Variants in STAP1 observed in about 807,000 individuals in gnomAD.
The protein encoded by STAP1 is signal transducing adaptor family member 1.
In STAP1, 30 loss-of-function variants were observed where a neutral mutation model predicts 37.8. The ratio of observed to expected loss-of-function variants is 0.79; its 90% CI spans 0.59 to 1.08. The LOEUF (loss-of-function observed/expected upper bound fraction) is 1.08. Ranked by LOEUF, STAP1 falls within the 50% of genes least tolerant of loss-of-function variation. The pLI, the probability that STAP1 is intolerant of heterozygous loss-of-function variation, is 0.00. For missense variants in STAP1, 357 were observed against 349.4 expected (o/e 1.02, Z -0.17); for synonymous variants, 130 against 116.0 (o/e 1.12, Z -0.78).
chr4:67,581,104 G>A (rs1727843590), intron 4 of STAP1, among the ~76,000 whole-genome samples: 1 of 152,202 alleles, frequency 6.6e-6, no homozygotes, highest in South Asian at 2.1e-4. Context: ...TAGGCACTCT[G>A]TGCAGGTTGT....
At chr4:67,586,136 A>G (rs901965498) in intron 6 of STAP1, among the ~76,000 whole-genome samples, 5 of 152,102 alleles carry the variant, frequency 3.3e-5, no homozygotes, top group African/African-American at 1.2e-4. Context: ...GAAATGAACA[A>G]ACTCTCAAGA....
chr4:67,579,312 T>C (rs1347161530), intron 4 of STAP1, among the ~76,000 whole-genome samples: 3 of 152,248 alleles, frequency 2.0e-5, no homozygotes, highest in African/African-American at 7.2e-5. Context: ...CTGTATGTAG[T>C]TGAAAGAGCT....
intron 4 of STAP1, among the ~76,000 whole-genome samples, chr4:67,578,830 A>ATTTTT (rs11314663): frequency 7.0e-6 from 1 of 142,488 alleles, no homozygotes; most frequent in Admixed American, 7.0e-5. Context: ...ATTTATGTGA[A>ATTTTT]TTTTTTTTTT....
chr4:67,581,385 G>C lies in STAP1; in HGVS notation c.444G>C (p.Arg148Ser). The change falls in exon 5 of 9, where the codon AGG (arginine) becomes AGC (serine). Residue 148 changes from arginine to serine, a missense_variant. Physicochemically the swap from Arg to Ser is moderately radical, Grantham distance 110. Coordinates refer to ENST00000265404, the MANE Select transcript of STAP1 (RefSeq NM_012108.4). The part of the protein sequence containing the change: ...LHEVLEREKK[R>S]RIETEQSTSV... ...AAGTCCTAGAGAGAGAAAAGAAAAG[G>C]AGGATTGAGACAGAGCAGAGTACGT... The C allele has an allele frequency of 6.2e-7, 1 of 1,614,072 alleles. No individual in the cohort carries two copies. Among genetic ancestry groups the C allele is most frequent in the Non-Finnish European group, 8.5e-7 (1 of 1,179,976 alleles).
intron 3 of STAP1, among the ~76,000 whole-genome samples, chr4:67,575,958 C>T (rs1727711236): frequency 6.6e-6 from 1 of 152,130 alleles, no homozygotes; most frequent in African/African-American, 2.4e-5. Context: ...GACCCCCATC[C>T]CCCAACTCAA....
At chr4:67,600,326 TA>T (rs1728312976) in intron 8 of STAP1, among the ~76,000 whole-genome samples, 2 of 152,226 alleles carry the variant, frequency 1.3e-5, no homozygotes, top group Admixed American at 6.5e-5. Flanking sequence ...TTCCTCTTGT[TA>T]CTGATTTCTA....
At chr4:67,562,658 A>G (rs1578019627) in intron 1 of STAP1, among the ~76,000 whole-genome samples, 1 of 150,614 alleles carries the variant, frequency 6.6e-6, no homozygotes, top group East Asian at 2.0e-4. Flanking sequence ...TGTAGTCCCA[A>G]CTACTCAGGA....
At chr4:67,590,458 G>T (rs986104580) in intron 6 of STAP1, among the ~76,000 whole-genome samples, 1 of 152,122 alleles carries the variant, frequency 6.6e-6, no homozygotes, top group Admixed American at 6.5e-5. Flanking sequence ...ATGTAGGGTA[G>T]AAAGCAATGT....
intron 1 of STAP1, 61 bp from the exon 2 acceptor site, chr4:67,571,023 T>C (rs919520857): frequency 1.3e-5 from 17 of 1,328,956 alleles, no homozygotes; most frequent in African/African-American, 4.4e-5. Flanking sequence ...AAGGATAATA[T>C]TATTAGAAAA....
At chr4:67,592,710 G>A (rs963161339) in intron 7 of STAP1, among the ~76,000 whole-genome samples, 1 of 151,982 alleles carries the variant, frequency 6.6e-6, no homozygotes, top group Non-Finnish European at 1.5e-5. Flanking sequence ...TAAGGGACAG[G>A]GTCTTACCCT....
At chr4:67,579,628 T>C (rs1309307015) in intron 4 of STAP1, among the ~76,000 whole-genome samples, 1 of 151,966 alleles carries the variant, frequency 6.6e-6, no homozygotes, top group Non-Finnish European at 1.5e-5. Flanking sequence ...AACAGACATA[T>C]CACATGGTGA....
intron 8 of STAP1, among the ~76,000 whole-genome samples, chr4:67,603,280 G>A (rs354880): frequency 0.84 from 127,838 of 151,974 alleles, 55,100 homozygotes; most frequent in Non-Finnish European, 0.94. Flanking sequence ...GGTAAGGGGC[G>A]CCCCTCTGAC....
intron 5 of STAP1, among the ~76,000 whole-genome samples, chr4:67,582,704 A>G (rs924286334): frequency 6.6e-6 from 1 of 152,112 alleles, no homozygotes; most frequent in Non-Finnish European, 1.5e-5. Context: ...AAGTTGAACA[A>G]TGGTTAAATG....
intron 2 of STAP1, among the ~76,000 whole-genome samples, chr4:67,574,058 C>T (rs1001749312): frequency 2.6e-5 from 4 of 151,880 alleles, no homozygotes; most frequent in Non-Finnish European, 5.9e-5. Flanking sequence ...AATAGGATTG[C>T]CATAATCAGT....
intron 6 of STAP1, among the ~76,000 whole-genome samples, chr4:67,588,673 T>A (rs1414024834): frequency 1.3e-5 from 2 of 152,188 alleles, no homozygotes; most frequent in Non-Finnish European, 2.9e-5. Flanking sequence ...CCTCCCAAAG[T>A]GCTGGGATTA....
intron 8 of STAP1, among the ~76,000 whole-genome samples, chr4:67,601,779 T>C (rs1728347632): frequency 1.3e-5 from 2 of 152,212 alleles, no homozygotes; most frequent in African/African-American, 4.8e-5. Flanking sequence ...GGATAATTTC[T>C]TTATCCCATC....
intron 8 of STAP1, among the ~76,000 whole-genome samples, chr4:67,598,578 CTTTT>C (rs1168314468): frequency 1.3e-5 from 2 of 152,124 alleles, no homozygotes; most frequent in African/African-American, 2.4e-5. Context: ...TGTATGTCTT[CTTTT>C]GAGAAATGTC....
At chr4:67,571,241 C>A in intron 2 of STAP1, 86 bp downstream of exon 2, 2 of 927,386 alleles carry the variant, frequency 2.2e-6, no homozygotes, top group Non-Finnish European at 3.3e-6. Flanking sequence ...TTTCTGCCAT[C>A]CAAGAATAAA....
intron 6 of STAP1, among the ~76,000 whole-genome samples, chr4:67,584,297 C>T (rs1243302077): frequency 6.6e-6 from 1 of 152,020 alleles, no homozygotes; most frequent in East Asian, 1.9e-4. Flanking sequence ...AAGCAATACT[C>T]TAGGCACTGA....
Sources: allele counts gnomAD v4.1 joint callset (sites outside exome capture counted in the v4.1 genomes callset), GRCh38; gene constraint gnomAD v4.1.1; transcripts MANE v1.5; gene names NCBI Gene and HGNC (gene_info 2026-07-23, HGNC 2026-07-21).